The following ADD2 variants were observed in gnomAD, a reference collection of about 807,000 sequenced individuals.
ADD2 encodes adducin 2.
In ADD2, 23 loss-of-function variants were observed where a neutral mutation model predicts 83.0. The ratio of observed to expected loss-of-function variants is 0.28; its 90% confidence interval spans 0.20 to 0.39. ADD2 has a LOEUF of 0.39. ADD2 is among the 10% of genes least tolerant of loss of function. The probability of loss-of-function intolerance (pLI) is 1.00; values close to 1 mark genes in which losing one functional copy is unlikely to be tolerated. For synonymous variants in ADD2, 375 were observed against 375.4 expected (o/e 1.00, Z 0.01); for missense variants, 758 against 944.9 (o/e 0.80, Z 2.59).
chr2:70,687,667 C>T (rs2270041), intron 9 of ADD2, among the ~76,000 whole-genome samples: 1 of 151,856 alleles, frequency 6.6e-6, no homozygotes, highest in Non-Finnish European at 1.5e-5. Flanking sequence ...ATAGGTGCAA[C>T]AGGTATACCC....
chr2:70,717,272 T>C (rs1349398784), intron 1 of ADD2, among the ~76,000 whole-genome samples: 2 of 152,174 alleles, frequency 1.3e-5, no homozygotes, highest in African/African-American at 4.8e-5. Flanking sequence ...GAAGACCAAG[T>C]ACATGTAACC....
At chr2:70,684,408 C>G (rs1192426556) in intron 9 of ADD2, among the ~76,000 whole-genome samples, 1 of 152,126 alleles carries the variant, frequency 6.6e-6, no homozygotes, top group Non-Finnish European at 1.5e-5. Context: ...CTACCACATT[C>G]AGCAAATTTT....
intron 1 of ADD2, among the ~76,000 whole-genome samples, chr2:70,724,836 G>A (rs1325580820): frequency 6.6e-6 from 1 of 152,076 alleles, no homozygotes; most frequent in African/African-American, 2.4e-5. Flanking sequence ...CACAGTATTG[G>A]GTGTGGACAG....
intron 8 of ADD2, among the ~76,000 whole-genome samples, chr2:70,689,195 T>C (rs892337144): frequency 6.6e-6 from 1 of 152,218 alleles, no homozygotes; most frequent in African/African-American, 2.4e-5. Context: ...TTAGACTCAG[T>C]CAGGGAAAGC....
intron 10 of ADD2, among the ~76,000 whole-genome samples, chr2:70,680,541 C>T (rs924758010): frequency 6.6e-6 from 1 of 152,168 alleles, no homozygotes; most frequent in Non-Finnish European, 1.5e-5. Flanking sequence ...AGTCCTCATA[C>T]CTTCCCCCAT....
At chr2:70,734,094 T>C (rs1326812126) in intron 1 of ADD2, among the ~76,000 whole-genome samples, 3 of 152,164 alleles carry the variant, frequency 2.0e-5, no homozygotes, top group African/African-American at 7.2e-5. Context: ...ACCCTTTCTC[T>C]AGCAAAATTT....
In ADD2 at chr2:70,679,148, C is replaced by G. The variant is rs79556334; in HGVS notation, c.1126-187G>C. ...AGAACTGTTCCCTCCTCCTGGTCCCCCATCCCCTCTCTTTCTCTACCCCAA... is the reference window on the plus strand; with the variant it reads ...AGAACTGTTCCCTCCTCCTGGTCCCGCATCCCCTCTCTTTCTCTACCCCAA... On this transcript the variant is annotated intron_variant, in intron 10 of 15. Transcript: ENST00000264436. 7.3e-3 allele frequency among the ~76,000 whole-genome samples: 1,107 copies of G among 152,340 alleles called. 4 individuals are homozygous for G. Among genetic ancestry groups the G allele is most frequent in the Middle Eastern group, 0.024 (7 of 294 alleles).
chr2:70,728,394 G>T (rs1316374789), intron 1 of ADD2, among the ~76,000 whole-genome samples: 2 of 152,192 alleles, frequency 1.3e-5, no homozygotes, highest in Non-Finnish European at 2.9e-5. Context: ...CACAGCGGGG[G>T]TCAGTCTGCA....
intron 10 of ADD2, among the ~76,000 whole-genome samples, chr2:70,679,457 A>T (rs1386320187): frequency 6.6e-6 from 1 of 152,138 alleles, no homozygotes; most frequent in African/African-American, 2.4e-5. Context: ...GAAACTTCTT[A>T]ACAATTTCCT....
At chr2:70,767,553 G>A (rs1299135461) in intron 1 of ADD2, 6 of 985,998 alleles carry the variant, frequency 6.1e-6, no homozygotes, top group Non-Finnish European at 7.7e-6. Flanking sequence ...CGCCCGGCTA[G>A]GCGAGGCGAG....
chr2:70,679,972 A>G (rs140555946), intron 10 of ADD2, among the ~76,000 whole-genome samples: 1 of 152,210 alleles, frequency 6.6e-6, no homozygotes, highest in East Asian at 1.9e-4. Flanking sequence ...TTTCACTATC[A>G]TAGATGGTGA....
At position 70,663,375 on chromosome 2, in the gene ADD2, G is replaced by A. The variant is rs1553365406; in HGVS notation, c.*50C>T. 6.5e-7 allele frequency: 1 copy of A among 1,543,924 alleles called. No homozygotes were observed. The highest frequency in any genetic ancestry group is 1.2e-5 in the South Asian group (1 of 82,164). On this transcript the variant is annotated 3_prime_UTR_variant, in exon 16 of 16. Transcript: ENST00000264436. ...CTTGCAGGGACAGAGATGGGAGAAG[G>A]GAAGGGGAGGAGAGAGAGGAGGCAG...
At chr2:70,723,881 C>T (rs1672851012) in intron 1 of ADD2, among the ~76,000 whole-genome samples, 1 of 152,152 alleles carries the variant, frequency 6.6e-6, no homozygotes, top group African/African-American at 2.4e-5. Context: ...AGGCCAAAAA[C>T]CATGAACGGT....
At chr2:70,767,657 G>C in intron 1 of ADD2, 2 of 1,365,346 alleles carry the variant, frequency 1.5e-6, no homozygotes, top group Non-Finnish European at 1.9e-6. Flanking sequence ...GCAGGGGCCA[G>C]TGCTTGCAGC....
chr2:70,737,194 A>G (rs1673616484), intron 1 of ADD2, among the ~76,000 whole-genome samples: 2 of 152,280 alleles, frequency 1.3e-5, no homozygotes, highest in South Asian at 4.1e-4. Flanking sequence ...AGAACTAGAA[A>G]TACCATTTGA....
intron 1 of ADD2, among the ~76,000 whole-genome samples, chr2:70,734,341 A>G (rs1673419629): frequency 6.6e-6 from 1 of 151,958 alleles, no homozygotes; most frequent in Non-Finnish European, 1.5e-5. Flanking sequence ...CCTCTAAAAC[A>G]TCTACCCCCA....
At chr2:70,691,001 T>C in intron 7 of ADD2, 72 bp from the exon 8 acceptor site, 1 of 1,512,970 alleles carries the variant, frequency 6.6e-7, no homozygotes. Flanking sequence ...ACAGTCCAGC[T>C]CTACTCTGGG....
chr2:70,690,674 T>G (rs1574247612), intron 8 of ADD2, 112 bp downstream of exon 8: 3 of 1,286,770 alleles, frequency 2.3e-6, no homozygotes, highest in East Asian at 4.9e-5. Context: ...GATCTTTCTT[T>G]TTTTTCCCCC....
chr2:70,673,470 A>G (rs1669993745), intron 14 of ADD2: 4 of 636,528 alleles, frequency 6.3e-6, no homozygotes, highest in East Asian at 2.8e-5. Flanking sequence ...GCATGTAACT[A>G]TTGTTTAATT....
Sources: allele counts gnomAD v4.1 joint callset (sites outside exome capture counted in the v4.1 genomes callset), GRCh38; gene constraint gnomAD v4.1.1; transcripts MANE v1.5; gene names NCBI Gene and HGNC (gene_info 2026-07-23, HGNC 2026-07-21).